UBA6: variants seen among roughly 807,000 people sequenced by gnomAD.
The protein encoded by UBA6 is ubiquitin like modifier activating enzyme 6.
UBA6 carries 87 observed loss-of-function variants against 148.3 expected under a neutral mutation model. That is an observed-to-expected ratio of 0.59 (90% CI 0.49 to 0.70). The LOEUF (loss-of-function observed/expected upper bound fraction) is 0.70, where lower values mean the gene tolerates loss of function less well. UBA6 is among the 30% of genes least tolerant of loss of function. UBA6 has a pLI of 0.00. For synonymous variants in UBA6, 376 were observed against 401.0 expected, an observed-to-expected ratio of 0.94 and a Z score of 0.75; for missense variants, 1,186 against 1,241.2, an observed-to-expected ratio of 0.96 and a Z score of 0.67.
rs949648221 is a variant in UBA6 at position 67,615,017 on chromosome 4, C to A, written c.*3980G>T. On this transcript the variant is annotated 3_prime_UTR_variant, in exon 33 of 33. Coordinates refer to ENST00000322244, the MANE Select transcript of UBA6 (RefSeq NM_018227.6). ...TCAATGAGATACAATTGCACATCCA[C>A]CAGATTGGCAAAATTAAAAACAAAA... The A allele has an allele frequency of 6.6e-6, 1 of 152,178 alleles. No homozygotes were observed. Among genetic ancestry groups the A allele is most frequent in the Admixed American group, 6.5e-5 (1 of 15,276 alleles). 9.4% of individuals were successfully genotyped at this position (152,178 alleles called of 1,614,324 possible). A position where few individuals can be genotyped will look rare whatever the true frequency, so the allele number is the denominator to read the frequency against.
chr4:67,633,273 T>A, intron 23 of UBA6, 72 bp downstream of exon 23: 1 of 1,336,908 alleles, frequency 7.5e-7, no homozygotes, highest in Non-Finnish European at 9.9e-7. Flanking sequence ...TTCAGGTCAA[T>A]GAAATTAATT....
chr4:67,621,497 T>A (rs904964778), intron 32 of UBA6, among the ~76,000 whole-genome samples: 1 of 152,168 alleles, frequency 6.6e-6, no homozygotes, highest in Non-Finnish European at 1.5e-5. Flanking sequence ...TAGTAGCAGG[T>A]AAATAGCTAA....
chr4:67,686,497 C>T (rs1229906830), intron 2 of UBA6, among the ~76,000 whole-genome samples: 6 of 152,058 alleles, frequency 3.9e-5, no homozygotes, highest in African/African-American at 1.4e-4. Context: ...ACAACAACTT[C>T]GTATGGCTGC....
chr4:67,628,940 C>A (rs1033804025), intron 27 of UBA6, 131 bp downstream of exon 27: 11 of 677,352 alleles, frequency 1.6e-5, no homozygotes, highest in Non-Finnish European at 5.3e-6. Context: ...AAATCTACTT[C>A]AAACTCAAGT....
Position 67,696,757 on chromosome 4 carries a change from T to A in UBA6, c.72-50A>T. 2.1e-6 allele frequency: 3 copies of A among 1,455,246 alleles called. No individual in the cohort carries two copies. The South Asian group carries it at 3.6e-5, about 17-fold the overall frequency. 90.1% of individuals were successfully genotyped at this position (1,455,246 alleles called of 1,614,324 possible). A position where few individuals can be genotyped will look rare whatever the true frequency, so the allele number is the denominator to read the frequency against. On this transcript the variant is annotated intron_variant, in intron 1 of 32. Transcript: ENST00000322244. ...AATATTCACATTTTATAATGTAATA[T>A]TTGATTACTTGTGTGATCAGATTCA...
At chr4:67,624,931 C>T (rs997126025) in intron 29 of UBA6, 63 bp downstream of exon 29, 62 of 1,378,052 alleles carry the variant, frequency 4.5e-5, no homozygotes, top group African/African-American at 1.8e-4. Flanking sequence ...GTTGGTATGA[C>T]GGGGAAGTCA....
At chr4:67,646,628 T>TC in intron 15 of UBA6, 96 bp downstream of exon 15, 1 of 846,158 alleles carries the variant, frequency 1.2e-6, no homozygotes, top group Non-Finnish European at 1.9e-6. Flanking sequence ...ACAAAAGTGA[T>TC]TTGGGAGAAA....
intron 1 of UBA6, among the ~76,000 whole-genome samples, chr4:67,699,027 A>C (rs1408931592): frequency 2.6e-5 from 4 of 152,132 alleles, no homozygotes; most frequent in Non-Finnish European, 4.4e-5. Context: ...GAAAAAAACT[A>C]ATCTAAATAT....
intron 5 of UBA6, 85 bp from the exon 6 acceptor site, chr4:67,677,807 G>A (rs1730321440): frequency 1.1e-5 from 7 of 625,684 alleles, no homozygotes; most frequent in Non-Finnish European, 1.8e-5. Context: ...GACATCAGAG[G>A]AACCTGACAT....
intron 13 of UBA6, among the ~76,000 whole-genome samples, chr4:67,658,184 T>C (rs949408232): frequency 1.3e-5 from 2 of 152,198 alleles, no homozygotes; most frequent in African/African-American, 4.8e-5. Context: ...AGGAATGCCA[T>C]TACTGGGTAT....
chr4:67,650,696 C>T (rs987199435), intron 13 of UBA6, among the ~76,000 whole-genome samples: 1 of 151,962 alleles, frequency 6.6e-6, no homozygotes, highest in Non-Finnish European at 1.5e-5. Flanking sequence ...GCAGAAAATA[C>T]GAAGAGATCA....
chr4:67,634,133 T>C (rs184157075), intron 22 of UBA6, 109 bp downstream of exon 22: 7 of 674,346 alleles, frequency 1.0e-5, no homozygotes, highest in Admixed American at 7.0e-5. Context: ...TCATTTTTTA[T>C]ATACAATCAC....
intron 2 of UBA6, among the ~76,000 whole-genome samples, chr4:67,690,709 C>A (rs906375822): frequency 6.6e-6 from 1 of 152,018 alleles, no homozygotes; most frequent in African/African-American, 2.4e-5. Context: ...ATTCACTAAT[C>A]ATCAAATACA....
At chr4:67,675,051 G>T (rs1429115693) in intron 6 of UBA6, among the ~76,000 whole-genome samples, 1 of 152,132 alleles carries the variant, frequency 6.6e-6, no homozygotes, top group Non-Finnish European at 1.5e-5. Context: ...TGTATTTTTA[G>T]TAGAGACGGG....
rs1269574526 is a variant in UBA6 at position 67,613,839 on chromosome 4, A to G, written c.*5158T>C. 1 of 152,210 alleles carries G rather than the reference A, an allele frequency of 6.6e-6. No individual in the cohort carries two copies. Among genetic ancestry groups the G allele is most frequent in the Non-Finnish European group, 1.5e-5 (1 of 68,040 alleles). The allele number at this position is 152,210 out of a possible 1,614,324, so 9.4% of individuals were successfully genotyped here. A position where few individuals can be genotyped will look rare whatever the true frequency, so the allele number is the denominator to read the frequency against. Reference sequence around the variant, plus strand: ...TTTCCAATCTGACTCTGGCATAACAAGAAAGAAAATCAAAATATTTTACCC... The same window carrying G: ...TTTCCAATCTGACTCTGGCATAACAGGAAAGAAAATCAAAATATTTTACCC... On this transcript the variant is annotated 3_prime_UTR_variant, in exon 33 of 33. Coordinates refer to ENST00000322244, the MANE Select transcript of UBA6 (RefSeq NM_018227.6).
intron 13 of UBA6, among the ~76,000 whole-genome samples, chr4:67,653,187 T>C (rs531347131): frequency 6.6e-6 from 1 of 152,136 alleles, no homozygotes; most frequent in African/African-American, 2.4e-5. Context: ...TCTCATAGCA[T>C]GGCGTTCAAG....
At chr4:67,645,173 TA>T (rs1729394192) in intron 16 of UBA6, among the ~76,000 whole-genome samples, 1 of 152,184 alleles carries the variant, frequency 6.6e-6, no homozygotes, top group South Asian at 2.1e-4. Context: ...TTCAAAACAT[TA>T]TTTTAAAGAT....
rs1424249290 is a variant in UBA6, at chr4:67,621,466, A to G, written c.3023+1365T>C. Among the ~76,000 whole-genome samples, 3 of 152,162 alleles carry G rather than the reference A, an allele frequency of 2.0e-5. No individual in the cohort carries two copies. The East Asian group carries it at 5.8e-4, about 29-fold the overall frequency. On this transcript the variant is annotated intron_variant, in intron 32 of 32. Transcript: ENST00000322244. ...GTGACAAGATCAAATAAAGATTCCC[A>G]CTCTTGTGAAATATATGTTCTAGTA...
rs578054377 is a variant in UBA6, at chr4:67,686,603, T to C, written c.135-4390A>G. 2.0e-5 allele frequency among the ~76,000 whole-genome samples: 3 copies of C among 152,106 alleles called. No individual in the cohort carries two copies. In the South Asian group the frequency reaches 6.2e-4, roughly 32 times the overall value. The stretch of plus-strand genomic sequence containing the variant: ...GATAGACAAAAGATGAGTGGTTGCC[T>C]GAAGAAATGAAAGTTGGAGTGAGAA... On this transcript the variant is annotated intron_variant, in intron 2 of 32. Transcript: ENST00000322244.
Sources: allele counts gnomAD v4.1 joint callset (sites outside exome capture counted in the v4.1 genomes callset), GRCh38; gene constraint gnomAD v4.1.1; transcripts MANE v1.5; gene names NCBI Gene and HGNC (gene_info 2026-07-23, HGNC 2026-07-21).